Variants in CORO1C observed in about 807,000 individuals in gnomAD.
CORO1C encodes coronin-1C.
In CORO1C, 14 loss-of-function variants were observed where a neutral mutation model predicts 51.2. The observed-to-expected ratio is 0.27, with a 90% confidence interval of 0.18 to 0.43. CORO1C has a LOEUF of 0.43. Ranked by LOEUF, CORO1C falls within the 20% of genes least tolerant of loss-of-function variation. The pLI is 1.00. For missense variants in CORO1C, 417 were observed against 607.8 expected, an observed-to-expected ratio of 0.69 and a Z score of 3.30; for synonymous variants, 181 against 210.5, an observed-to-expected ratio of 0.86 and a Z score of 1.21.
At chr12:108,651,434 A>T (rs529260496) in intron 8 of CORO1C, among the ~76,000 whole-genome samples, 2 of 152,356 alleles carry the variant, frequency 1.3e-5, no homozygotes, top group African/African-American at 2.4e-5. Context: ...TAAAAATCAG[A>T]AGTAGTACAG....
chr12:108,700,231 A>G (rs547860536), intron 2 of CORO1C, among the ~76,000 whole-genome samples: 42 of 152,230 alleles, frequency 2.8e-4, no homozygotes, highest in Admixed American at 6.5e-5. Flanking sequence ...CCTCACCAGC[A>G]CCCAGCCCTT....
chr12:108,697,264 A>T (rs544457392), intron 2 of CORO1C, among the ~76,000 whole-genome samples: 39 of 152,336 alleles, frequency 2.6e-4, no homozygotes, highest in African/African-American at 9.4e-4. Flanking sequence ...ATTCAGTATT[A>T]TTATGTACAG....
chr12:108,669,697 G>C (rs919768876), intron 3 of CORO1C, among the ~76,000 whole-genome samples: 1 of 149,868 alleles, frequency 6.7e-6, no homozygotes. Context: ...AAAAGGCGGG[G>C]GGTGGCGGGG....
At chr12:108,674,479 C>T (rs1486402634) in intron 3 of CORO1C, among the ~76,000 whole-genome samples, 2 of 148,140 alleles carry the variant, frequency 1.4e-5, no homozygotes, top group African/African-American at 5.0e-5. Flanking sequence ...ACCCAGGAGG[C>T]GGAGGTTGCA....
At chr12:108,664,709 T>A (rs923671612) in intron 3 of CORO1C, among the ~76,000 whole-genome samples, 4 of 152,204 alleles carry the variant, frequency 2.6e-5, no homozygotes, top group Non-Finnish European at 5.9e-5. Context: ...TCTGCTCTCC[T>A]CCATTACTGC....
intron 6 of CORO1C, among the ~76,000 whole-genome samples, chr12:108,655,948 C>G (rs536528239): frequency 1.3e-5 from 2 of 149,476 alleles, no homozygotes; most frequent in Non-Finnish European, 3.0e-5. Flanking sequence ...CGTCTCTGCC[C>G]GGCCGCCCAT....
chr12:108,652,019 C>T (rs539800303), intron 8 of CORO1C: 11 of 274,946 alleles, frequency 4.0e-5, no homozygotes, highest in Admixed American at 3.6e-4. Context: ...AGCCAGACTC[C>T]GTCTCAAAAA....
In CORO1C at chr12:108,678,314, G is replaced by A. The variant is rs369528565; in HGVS notation, c.276C>T (p.Asn92=). Residue 92 remains asparagine (N), a synonymous_variant, in exon 3 of 11, where the codon AAC becomes AAT. Transcript: ENST00000261401. Reference sequence around the variant, plus strand: ...CTGAACCGCTGGCAATGACCTGATCGTTATGTGGGCACCAGTCTATGTCCA... The same window carrying A: ...CTGAACCGCTGGCAATGACCTGATCATTATGTGGGCACCAGTCTATGTCCA... ...PVLDIDWCPH[N]DQVIASGSED... is the part of the protein sequence containing the mutation. 144 of 1,613,186 alleles carry A rather than the reference G, an allele frequency of 8.9e-5. No individual in the cohort carries two copies. The highest frequency in any genetic ancestry group is 1.1e-4 in the South Asian group (10 of 90,938).
Position 108,645,459 on chromosome 12 carries a change from A to G in CORO1C, c.*1944T>C, listed in dbSNP as rs1370927990. The G allele has an allele frequency of 2.0e-5, 3 of 152,214 alleles. No individual in the cohort carries two copies. The highest frequency in any genetic ancestry group is 7.2e-5 in the African/African-American group (3 of 41,448). 9.4% of individuals were successfully genotyped at this position (152,214 alleles called of 1,614,324 possible). A position where few individuals can be genotyped will look rare whatever the true frequency, so the allele number is the denominator to read the frequency against. ...TTCGATATCAGAACCTTAAAACACT[A>G]CTGAATCTTAGACAAAAGGTCCTCA... On this transcript the variant is annotated 3_prime_UTR_variant, in exon 11 of 11. Coordinates refer to ENST00000261401, the MANE Select transcript of CORO1C (RefSeq NM_014325.4).
chr12:108,695,369 G>A (rs1349742548), intron 2 of CORO1C, among the ~76,000 whole-genome samples: 1 of 152,174 alleles, frequency 6.6e-6, no homozygotes, highest in African/African-American at 2.4e-5. Context: ...CCACAATATA[G>A]TAAGGCAAGT....
At chr12:108,700,204 C>T (rs1390541152) in intron 2 of CORO1C, among the ~76,000 whole-genome samples, 3 of 152,140 alleles carry the variant, frequency 2.0e-5, no homozygotes, top group South Asian at 4.1e-4. Flanking sequence ...AGCTGTCATA[C>T]GACCCAACAT....
In CORO1C at chr12:108,657,676, C is replaced by T. The variant is rs538331436; in HGVS notation, c.631-253G>A. ...GAAGACTCGCTCTCTCCACCATATCCTGCTGCCAACCCAAGTCTATGCACT... is the reference window on the plus strand; with the variant it reads ...GAAGACTCGCTCTCTCCACCATATCTTGCTGCCAACCCAAGTCTATGCACT... On this transcript the variant is annotated intron_variant, in intron 5 of 10. Transcript: ENST00000261401. 2.3e-4 allele frequency among the ~76,000 whole-genome samples: 35 copies of T among 152,340 alleles called. 1 individual carries two copies. In the South Asian group the frequency reaches 7.0e-3, roughly 31 times the overall value.
In CORO1C at chr12:108,658,298, G is replaced by A. The variant is rs754292568; in HGVS notation, c.630+440C>T. Among the ~76,000 whole-genome samples the A allele has an allele frequency of 2.0e-5, 3 of 151,884 alleles. No homozygotes were observed. Among genetic ancestry groups the A allele is most frequent in the South Asian group, 2.1e-4 (1 of 4,800 alleles). On this transcript the variant is annotated intron_variant, in intron 5 of 10. Transcript: ENST00000261401. The surrounding 1 kb of genome is among the most constrained non-coding windows in gnomAD (Gnocchi z 4.9). Reference sequence around the variant, plus strand: ...TGACCTCAAATGATCCACCCACCTCGGCCTCCCAAAGTGCTGGGATTACAA... The same window carrying A: ...TGACCTCAAATGATCCACCCACCTCAGCCTCCCAAAGTGCTGGGATTACAA...
At chr12:108,682,705 T>C (rs1297901710) in intron 2 of CORO1C, among the ~76,000 whole-genome samples, 1 of 152,188 alleles carries the variant, frequency 6.6e-6, no homozygotes, top group African/African-American at 2.4e-5. Flanking sequence ...GTACCTAACA[T>C]TTAAAAATAC....
intron 3 of CORO1C, among the ~76,000 whole-genome samples, chr12:108,665,848 G>A (rs117012226): frequency 1.3e-5 from 2 of 152,300 alleles, no homozygotes; most frequent in East Asian, 3.9e-4. Context: ...GTGTGACCTT[G>A]AGGACATTCA....
rs563015394 is a variant in CORO1C, at chr12:108,658,253, C to T, written c.630+485G>A. On this transcript the variant is annotated intron_variant, in intron 5 of 10. Coordinates refer to ENST00000261401, the MANE Select transcript of CORO1C (RefSeq NM_014325.4). The surrounding 1 kb of genome is among the most constrained non-coding windows in gnomAD (Gnocchi z 4.9). ...TAGAGACAGAGTTTCACCATGTTGG[C>T]CAGGCTGGTCTCAAACTCCTGACCT... Among the ~76,000 whole-genome samples, 5 of 152,012 alleles carry T rather than the reference C, an allele frequency of 3.3e-5. No homozygotes were observed. Among genetic ancestry groups the T allele is most frequent in the Admixed American group, 2.6e-4 (4 of 15,248 alleles).
intron 3 of CORO1C, among the ~76,000 whole-genome samples, chr12:108,662,882 A>G (rs1003947997): frequency 1.3e-5 from 2 of 152,202 alleles, no homozygotes; most frequent in Non-Finnish European, 2.9e-5. Flanking sequence ...AAGAAAGTGA[A>G]AAAACAACCT....
intron 3 of CORO1C, among the ~76,000 whole-genome samples, chr12:108,677,196 AG>A (rs1013790377): frequency 1.3e-5 from 2 of 152,212 alleles, no homozygotes; most frequent in African/African-American, 4.8e-5. Context: ...CCCTTATTTC[AG>A]GGGCAGCAAG....
chr12:108,688,318 AC>A (rs2034372501), intron 2 of CORO1C, among the ~76,000 whole-genome samples: 1 of 152,146 alleles, frequency 6.6e-6, no homozygotes, highest in Non-Finnish European at 1.5e-5. Context: ...AATAAAAAAA[AC>A]TGTTAATGTA....
Sources: allele counts gnomAD v4.1 joint callset (sites outside exome capture counted in the v4.1 genomes callset), GRCh38; gene constraint gnomAD v4.1.1; non-coding constraint Gnocchi (gnomAD v3.1); transcripts MANE v1.5; gene names NCBI Gene and HGNC (gene_info 2026-07-23, HGNC 2026-07-21).